The following BRWD3 variants were observed in gnomAD, a reference collection of about 807,000 sequenced individuals.
The protein encoded by BRWD3 is bromodomain and WD repeat domain containing 3.
In BRWD3, 10 loss-of-function variants were observed where a neutral mutation model predicts 149.7. That is an observed-to-expected ratio of 0.07 (90% CI 0.04 to 0.11). The LOEUF (loss-of-function observed/expected upper bound fraction) is 0.11, where lower values mean the gene tolerates loss of function less well. Among genes scored for constraint, BRWD3 ranks in the 10% least tolerant of loss-of-function variants. BRWD3 has a pLI of 1.00. For synonymous variants in BRWD3, 504 were observed against 456.7 expected, an observed-to-expected ratio of 1.10 and a Z score of -1.32; for missense variants, 940 against 1,373.2, an observed-to-expected ratio of 0.68 and a Z score of 4.99.
intron 13 of BRWD3, among the ~76,000 whole-genome samples, chrX:80,729,585 G>A (rs763763939): frequency 9.0e-6 from 1 of 111,084 alleles, no homozygotes. Context: ...CATTTAATAG[G>A]GACAACTCTC....
chrX:80,782,396 A>C (rs1240333309), intron 6 of BRWD3, among the ~76,000 whole-genome samples: 1 of 111,420 alleles, frequency 9.0e-6, no homozygotes, highest in Non-Finnish European at 1.9e-5. Flanking sequence ...ACCTCAACCT[A>C]TGAAACCACT....
intron 35 of BRWD3, among the ~76,000 whole-genome samples, chrX:80,685,965 C>G (rs2072516206): frequency 9.0e-6 from 1 of 111,539 alleles, no homozygotes; most frequent in African/African-American, 3.3e-5. Flanking sequence ...AGAAATCCTA[C>G]AATCAAAGTT....
At chrX:80,762,707 A>G (rs1486890480) in intron 6 of BRWD3, among the ~76,000 whole-genome samples, 1 of 111,804 alleles carries the variant, frequency 8.9e-6, no homozygotes, top group African/African-American at 3.2e-5. Context: ...TGGTAGAATG[A>G]TGTACTAAAA....
At chrX:80,765,025 T>A (rs1197607664) in intron 6 of BRWD3, among the ~76,000 whole-genome samples, 1 of 111,432 alleles carries the variant, frequency 9.0e-6, no homozygotes, top group Non-Finnish European at 1.9e-5. Context: ...GTCTAGGAAT[T>A]AAGTGGTAAA....
intron 18 of BRWD3, among the ~76,000 whole-genome samples, chrX:80,718,115 C>T (rs899675402): frequency 9.0e-6 from 1 of 111,530 alleles, no homozygotes; most frequent in Non-Finnish European, 1.9e-5. Context: ...GATCTAAATT[C>T]TATCTTTGTT....
chrX:80,684,696 T>C (rs1372188003), intron 36 of BRWD3, among the ~76,000 whole-genome samples: 4 of 111,573 alleles, frequency 3.6e-5, no homozygotes, highest in Non-Finnish European at 7.5e-5. Context: ...AGGTCTTCCA[T>C]CTTATAGGTC....
At chrX:80,786,782 T>A (rs1223592925) in intron 6 of BRWD3, among the ~76,000 whole-genome samples, 6 of 112,067 alleles carry the variant, frequency 5.4e-5, no homozygotes, top group Admixed American at 9.5e-5. Context: ...AGTGCTGGAA[T>A]TACAGGCGTA....
rs771883586 is a variant in BRWD3 at position 80,765,575 on chromosome X, TGTAA to T, written c.431-19850_431-19847del. Among the ~76,000 whole-genome samples, 293 of 112,217 alleles carry T rather than the reference TGTAA, an allele frequency of 2.6e-3. 1 individual carries two copies. The highest frequency in any genetic ancestry group is 4.4e-3 in the Non-Finnish European group (232 of 53,244). Reference sequence around the variant, plus strand: ...TGTGACCAGTTATAGAACTGAGTACTGTAAGTGTTATGAAATATTATTCCTCCTT... The same window carrying T: ...TGTGACCAGTTATAGAACTGAGTACTGTGTTATGAAATATTATTCCTCCTT... On this transcript the variant is annotated intron_variant, in intron 6 of 40. Coordinates refer to ENST00000373275, the MANE Select transcript of BRWD3 (RefSeq NM_153252.5).
At position 80,744,260 on chromosome X, in the gene BRWD3, TA is replaced by T; in HGVS notation, c.592-8del. On this transcript the variant is annotated splice_polypyrimidine_tract_variant and splice_region_variant and intron_variant, in intron 7 of 40. Coordinates refer to ENST00000373275, the MANE Select transcript of BRWD3 (RefSeq NM_153252.5). ...CTAAACAGTCATCTGAACCCTATAG[TA>T]ACAAAAGGACAATAGGTTTATAATG... 8.6e-7 allele frequency: 1 copy of T among 1,165,945 alleles called. No individual in the cohort carries two copies. Among genetic ancestry groups the T allele is most frequent in the Non-Finnish European group, 1.2e-6 (1 of 860,283 alleles).
At chrX:80,728,022 T>C (rs760380538) in intron 14 of BRWD3, among the ~76,000 whole-genome samples, 1 of 112,014 alleles carries the variant, frequency 8.9e-6, no homozygotes, top group East Asian at 2.8e-4. Flanking sequence ...TACATCCCTC[T>C]GATACATAAA....
At chrX:80,757,297 G>A (rs150376139) in intron 6 of BRWD3, among the ~76,000 whole-genome samples, 126 of 111,386 alleles carry the variant, frequency 1.1e-3, no homozygotes, top group African/African-American at 3.8e-3. Context: ...ATTAAAACAG[G>A]GCAATCAATC....
intron 6 of BRWD3, among the ~76,000 whole-genome samples, chrX:80,757,886 T>A (rs2073760265): frequency 8.9e-6 from 1 of 112,473 alleles, no homozygotes; most frequent in East Asian, 2.8e-4. Flanking sequence ...CTGTGATAGA[T>A]CCTGGAGATA....
At chrX:80,772,477 G>C (rs1176213882) in intron 6 of BRWD3, among the ~76,000 whole-genome samples, 1 of 110,749 alleles carries the variant, frequency 9.0e-6, no homozygotes, top group Admixed American at 9.6e-5. Context: ...GTCGGGTGGA[G>C]GCCAGGGGAG....
chrX:80,712,718 G>A (rs866199980), intron 20 of BRWD3, among the ~76,000 whole-genome samples: 1 of 109,605 alleles, frequency 9.1e-6, no homozygotes, highest in African/African-American at 3.3e-5. Flanking sequence ...GCCTCTTCCC[G>A]GCCGCCCATC....
chrX:80,682,313 T>C (rs1175933618), intron 38 of BRWD3, 152 bp downstream of exon 38: 5 of 677,748 alleles, frequency 7.4e-6, no homozygotes, highest in Non-Finnish European at 6.7e-6. Flanking sequence ...ATAGTACTTT[T>C]GATTACTAAC....
chrX:80,745,684 C>T lies in BRWD3; in HGVS notation c.476G>A (p.Gly159Asp). The change falls in exon 7 of 41, where the codon GGT (glycine) becomes GAT (aspartate). Residue 159 changes from glycine (G) to aspartate (D), a missense_variant. Physicochemically the swap from Gly to Asp is moderately conservative, Grantham distance 94. Around this residue, in one of 6 missense-constraint regions of BRWD3, gnomAD observed 105 missense variants for 127.7 expected, o/e 0.82. Transcript: ENST00000373275. ...ARQLTGCSRF[G>D]HIFPSSAYQH... ...GTAAGCAGATGAAGGGAAAATATGA[C>T]CAAAGCGACTACAGCCGGTTAATTG... The T allele has an allele frequency of 2.5e-6, 3 of 1,208,948 alleles. No individual in the cohort carries two copies. The highest frequency in any genetic ancestry group is 3.4e-6 in the Non-Finnish European group (3 of 894,037).
At chrX:80,746,008 C>T (rs2073587740) in intron 6 of BRWD3, among the ~76,000 whole-genome samples, 1 of 110,467 alleles carries the variant, frequency 9.1e-6, no homozygotes, top group Admixed American at 9.8e-5. Context: ...TCTTGGTACG[C>T]TATAGTCAAA....
rs191097024 is a variant in BRWD3 at position 80,786,954 on chromosome X, A to G, written c.430+4900T>C. Among the ~76,000 whole-genome samples the G allele has an allele frequency of 1.3e-4, 15 of 111,752 alleles. No individual in the cohort carries two copies. In the East Asian group the frequency reaches 4.2e-3, roughly 31 times the overall value. On this transcript the variant is annotated intron_variant, in intron 6 of 40. Coordinates refer to ENST00000373275, the MANE Select transcript of BRWD3 (RefSeq NM_153252.5). ...TTGCAGACAACAGGGTTATCTATAT[A>G]AAGAATCCCAAAGAATCTCAAGGGA...
In BRWD3 at chrX:80,809,767, G is replaced by GAGAGAGAC; in HGVS notation, c.-297_-296insGTCTCTCT. On this transcript the variant is annotated 5_prime_UTR_variant, in exon 1 of 41. Transcript: ENST00000373275. ...GAGAGAGAGAGAGGAAAAAGAGAGA[G>GAGAGAGAC]AGAGAGAGAGAGAGAGAGAGAGAGA... 1 of 93,087 alleles carries GAGAGAGAC rather than the reference G, an allele frequency of 1.1e-5. No individual in the cohort carries two copies. The highest frequency in any genetic ancestry group is 1.9e-5 in the Non-Finnish European group (1 of 52,810). 7.7% of individuals were successfully genotyped at this position (93,087 alleles called of 1,213,427 possible). A position where few individuals can be genotyped will look rare whatever the true frequency, so the allele number is the denominator to read the frequency against.
Sources: allele counts gnomAD v4.1 joint callset (sites outside exome capture counted in the v4.1 genomes callset), GRCh38; gene constraint gnomAD v4.1.1; regional missense constraint gnomAD v4.1.1; transcripts MANE v1.5; gene names NCBI Gene and HGNC (gene_info 2026-07-23, HGNC 2026-07-21).